B4GALNT3: variants seen among roughly 807,000 people sequenced by gnomAD.
The protein encoded by B4GALNT3 is beta-1,4-N-acetylgalactosaminyltransferase 3.
In B4GALNT3, 86 loss-of-function variants were observed where a neutral mutation model predicts 120.2. That is an observed-to-expected ratio of 0.72 (90% CI 0.60 to 0.86). The LOEUF is 0.86. B4GALNT3 is among the 40% of genes least tolerant of loss of function. B4GALNT3 has a pLI of 0.00. For missense variants in B4GALNT3, 1,167 were observed against 1,298.9 expected, an observed-to-expected ratio of 0.90 and a Z score of 1.56; for synonymous variants, 518 against 510.4, an observed-to-expected ratio of 1.01 and a Z score of -0.20.
At chr12:533,347 G>C (rs561161574) in intron 1 of B4GALNT3, among the ~76,000 whole-genome samples, 1 of 152,290 alleles carries the variant, frequency 6.6e-6, no homozygotes, top group East Asian at 1.9e-4. Flanking sequence ...TGCTTCCCCA[G>C]AACACACCCC....
chr12:557,739 C>T lies in B4GALNT3; in HGVS notation c.2512C>T (p.Leu838=). The change falls in exon 16 of 20, where the codon CTG becomes TTG. Residue 838 remains leucine, a synonymous_variant. Transcript: ENST00000266383. The part of the protein sequence containing the change: ...SSEDMDVEMA[L]KRSKLRSYQY... ...TGAGGACATGGATGTTGAGATGGCA[C>T]TGAAGAGGTCCAAGCTGCGGAGGTG... The T allele has an allele frequency of 6.2e-7, 1 of 1,604,336 alleles. No individual in the cohort carries two copies. Among genetic ancestry groups the T allele is most frequent in the Non-Finnish European group, 8.5e-7 (1 of 1,177,210 alleles).
At chr12:551,535 G>A (rs1280936441) in intron 11 of B4GALNT3, among the ~76,000 whole-genome samples, 1 of 152,202 alleles carries the variant, frequency 6.6e-6, no homozygotes, top group African/African-American at 2.4e-5. Context: ...ATGATTATAA[G>A]GAAGAGCTGG....
chr12:553,804 G>T lies in B4GALNT3; in HGVS notation c.1881G>T (p.Val627=). The change falls in exon 14 of 20, where the codon GTG becomes GTT. Residue 627 remains valine, a synonymous_variant. Transcript: ENST00000266383. ...GTGAGGTGTTCGAGTACGTACCTGT[G>T]TTTGACCCGGTAGTAAACTGGGACC... The part of the protein sequence containing the change: ...DMSEVFEYVP[V]FDPVVNWDQT... The T allele has an allele frequency of 6.2e-7, 1 of 1,614,256 alleles. No homozygotes were observed.
chr12:521,185 C>T (rs868109367), intron 1 of B4GALNT3, among the ~76,000 whole-genome samples: 9 of 152,274 alleles, frequency 5.9e-5, no homozygotes, highest in Middle Eastern at 3.4e-3. Flanking sequence ...GAAGGATGTG[C>T]GGTCCTTCTG....
chr12:521,213 A>G (rs1946706091), intron 1 of B4GALNT3, among the ~76,000 whole-genome samples: 4 of 152,062 alleles, frequency 2.6e-5, no homozygotes, highest in Non-Finnish European at 5.9e-5. Flanking sequence ...GACTCTCGTC[A>G]TCACCCTCCT....
chr12:535,876 G>A (rs1946853316), intron 2 of B4GALNT3, among the ~76,000 whole-genome samples: 1 of 152,138 alleles, frequency 6.6e-6, no homozygotes, highest in African/African-American at 2.4e-5. Context: ...GGGAGGGTTT[G>A]GTGGTGTCCC....
chr12:546,194 G>A (rs1176910052), intron 6 of B4GALNT3, among the ~76,000 whole-genome samples: 1 of 102,652 alleles, frequency 9.7e-6, no homozygotes, highest in Admixed American at 1.0e-4. Context: ...GAAGTGGGCA[G>A]GGGGTGTGAG....
intron 1 of B4GALNT3, among the ~76,000 whole-genome samples, chr12:478,421 A>C (rs1946205557): frequency 6.6e-6 from 1 of 152,230 alleles, no homozygotes; most frequent in South Asian, 2.1e-4. Context: ...TGCTTAGGAA[A>C]TACCACCTGT....
At chr12:511,194 A>C (rs1592030990) in intron 1 of B4GALNT3, among the ~76,000 whole-genome samples, 1 of 129,196 alleles carries the variant, frequency 7.7e-6, no homozygotes, top group East Asian at 2.3e-4. Context: ...ACGCTCGGCT[A>C]ATTTTTGTTT....
At chr12:520,240 G>T (rs1386753375) in intron 1 of B4GALNT3, among the ~76,000 whole-genome samples, 3 of 152,310 alleles carry the variant, frequency 2.0e-5, no homozygotes, top group East Asian at 1.9e-4. Flanking sequence ...GCTATACATG[G>T]GTTAGATAGA....
Position 546,212 on chromosome 12 carries a change from A to AGG in B4GALNT3, c.640-429_640-428dup, listed in dbSNP as rs1211663184. Among the ~76,000 whole-genome samples the AGG allele has an allele frequency of 3.3e-4, 10 of 30,110 alleles. No homozygotes were observed. In the East Asian group the frequency reaches 5.1e-3, roughly 15 times the overall value. The allele number at this position is 30,110 out of a possible 152,430, so 19.8% of individuals were successfully genotyped here. On this transcript the variant is annotated intron_variant, in intron 6 of 19. Coordinates refer to ENST00000266383, the MANE Select transcript of B4GALNT3 (RefSeq NM_173593.4). ...GTGGGCAGGGGGTGTGAGAGGAGGGAGGGGGGTGTGGGAGGAGGGGAGTGG... is the reference window on the plus strand; with the variant it reads ...GTGGGCAGGGGGTGTGAGAGGAGGGAGGGGGGGGTGTGGGAGGAGGGGAGTGG...
intron 1 of B4GALNT3, among the ~76,000 whole-genome samples, chr12:467,263 G>A (rs1946090946): frequency 6.6e-6 from 1 of 152,104 alleles, no homozygotes; most frequent in African/African-American, 2.4e-5. Context: ...TCTTTATGAT[G>A]ATAAAAATAA....
intron 3 of B4GALNT3, among the ~76,000 whole-genome samples, chr12:536,684 C>T (rs1057076432): frequency 6.6e-5 from 10 of 152,174 alleles, no homozygotes; most frequent in African/African-American, 2.2e-4. Context: ...CCACGCGTTC[C>T]AGGTTGATTC....
At chr12:520,765 T>C (rs1407883353) in intron 1 of B4GALNT3, among the ~76,000 whole-genome samples, 1 of 151,934 alleles carries the variant, frequency 6.6e-6, no homozygotes, top group Non-Finnish European at 1.5e-5. Context: ...CGCTCCAGCC[T>C]GGGTGACAGA....
At position 459,992 on chromosome 12, in the gene B4GALNT3, G is replaced by C. The variant is rs1428708280; in HGVS notation, c.-385G>C. 6.6e-6 allele frequency among the ~76,000 whole-genome samples: 1 copy of C among 151,508 alleles called. No homozygotes were observed. Among genetic ancestry groups the C allele is most frequent in the Non-Finnish European group, 1.5e-5 (1 of 67,798 alleles). On this transcript the variant is annotated 5_prime_UTR_variant, in exon 1 of 20. Coordinates refer to ENST00000266383, the MANE Select transcript of B4GALNT3 (RefSeq NM_173593.4). ...CCGGAGCCCGGTCCGGGGCTGGCGG[G>C]GGCGCGGGCGGAGGCAGGCGGGCGG... is the stretch of plus-strand genomic sequence containing the variant.
chr12:465,513 A>G (rs1382226541), intron 1 of B4GALNT3, among the ~76,000 whole-genome samples: 5 of 109,774 alleles, frequency 4.6e-5, no homozygotes, highest in Admixed American at 2.6e-4. Flanking sequence ...TAAGACATCA[A>G]TGGTTTTTTT....
intron 3 of B4GALNT3, among the ~76,000 whole-genome samples, chr12:537,235 A>G (rs1365928504): frequency 1.3e-5 from 2 of 152,228 alleles, no homozygotes; most frequent in Non-Finnish European, 2.9e-5. Flanking sequence ...TATCAGAACC[A>G]TCATAATATC....
intron 1 of B4GALNT3, among the ~76,000 whole-genome samples, chr12:506,697 C>T (rs890334004): frequency 1.3e-5 from 2 of 151,972 alleles, no homozygotes; most frequent in Admixed American, 1.3e-4. Flanking sequence ...AGTGCAGTGG[C>T]GCGGTCTCGG....
chr12:549,718 G>C, intron 9 of B4GALNT3, 51 bp from the exon 10 acceptor site: 2 of 1,610,620 alleles, frequency 1.2e-6, no homozygotes, highest in East Asian at 4.5e-5. Flanking sequence ...GCAGTGGGCT[G>C]CTGCGCTCCA....
Sources: gnomAD v4.1 joint callset for allele counts (sites outside exome capture counted in the v4.1 genomes callset) on GRCh38, gnomAD v4.1.1 for gene constraint, MANE v1.5 for transcripts, NCBI Gene and HGNC (gene_info 2026-07-23, HGNC 2026-07-21) for gene names.